Variants in CCDC7 observed in about 807,000 individuals in gnomAD.
CCDC7 encodes coiled-coil domain-containing protein 7.
CCDC7 carries 183 observed loss-of-function variants against 196.9 expected under a neutral mutation model. The ratio of observed to expected loss-of-function variants is 0.93; its 90% confidence interval spans 0.82 to 1.05. The LOEUF (loss-of-function observed/expected upper bound fraction) is 1.05. Ranked by LOEUF, CCDC7 falls within the 50% of genes least tolerant of loss-of-function variation. The pLI, the probability that CCDC7 is intolerant of heterozygous loss-of-function variation, is 0.00. For missense variants in CCDC7, 1,540 were observed against 1,482.2 expected (o/e 1.04, Z -0.64); for synonymous variants, 525 against 484.6 (o/e 1.08, Z -1.10).
At chr10:32,687,081 T>C (rs117653181) in intron 22 of CCDC7, among the ~76,000 whole-genome samples, 2 of 152,352 alleles carry the variant, frequency 1.3e-5, no homozygotes, top group East Asian at 3.9e-4. Context: ...TAATTACCTT[T>C]ATGGACAGTC....
At chr10:32,572,928 A>G (rs1432246624) in intron 16 of CCDC7, among the ~76,000 whole-genome samples, 1 of 118,292 alleles carries the variant, frequency 8.5e-6, no homozygotes, top group East Asian at 2.9e-4. Context: ...CCCAGGCTGG[A>G]GGGCAGTGGC....
chr10:32,748,473 G>A (rs1422102645), intron 28 of CCDC7, among the ~76,000 whole-genome samples: 1 of 152,138 alleles, frequency 6.6e-6, no homozygotes, highest in African/African-American at 2.4e-5. Flanking sequence ...TAGTTGTAAT[G>A]CTTGCTCTGT....
chr10:32,558,898 G>C (rs978369632), intron 13 of CCDC7, among the ~76,000 whole-genome samples: 1 of 152,244 alleles, frequency 6.6e-6, no homozygotes, highest in East Asian at 1.9e-4. Flanking sequence ...AGGGGTCAGG[G>C]AGTTCCCTTT....
At chr10:32,550,537 T>C (rs935663213) in intron 13 of CCDC7, among the ~76,000 whole-genome samples, 8 of 152,144 alleles carry the variant, frequency 5.3e-5, no homozygotes, top group African/African-American at 1.4e-4. Context: ...TATGTTGGCA[T>C]TGGGTTGTCA....
At chr10:32,855,069 C>G (rs1367776875) in intron 41 of CCDC7, among the ~76,000 whole-genome samples, 1 of 152,124 alleles carries the variant, frequency 6.6e-6, no homozygotes, top group East Asian at 1.9e-4. Context: ...TAAGCCAGAA[C>G]TAGACTTTTC....
At chr10:32,643,458 A>G (rs1375282483) in intron 20 of CCDC7, among the ~76,000 whole-genome samples, 1 of 151,810 alleles carries the variant, frequency 6.6e-6, no homozygotes, top group Non-Finnish European at 1.5e-5. Context: ...ATCCAGTGTG[A>G]CTGTCTTTTT....
intron 9 of CCDC7, among the ~76,000 whole-genome samples, chr10:32,494,961 A>T (rs1196278293): frequency 2.0e-5 from 3 of 152,174 alleles, no homozygotes; most frequent in Non-Finnish European, 2.9e-5. Flanking sequence ...ATTCTTGAGG[A>T]ATCACCACAC....
At chr10:32,617,020 G>A (rs555877152) in intron 18 of CCDC7, among the ~76,000 whole-genome samples, 1 of 151,702 alleles carries the variant, frequency 6.6e-6, no homozygotes, top group African/African-American at 2.4e-5. Flanking sequence ...TCGATATTGG[G>A]TGTTTGTATG....
intron 28 of CCDC7, among the ~76,000 whole-genome samples, chr10:32,770,774 C>T (rs1459764039): frequency 6.6e-6 from 1 of 152,110 alleles, no homozygotes; most frequent in Non-Finnish European, 1.5e-5. Context: ...GTGTTTGGTA[C>T]ATATAAATTT....
At chr10:32,832,785 GTTCTT>G (rs2092308263) in intron 32 of CCDC7, among the ~76,000 whole-genome samples, 2 of 151,842 alleles carry the variant, frequency 1.3e-5, no homozygotes, top group South Asian at 2.1e-4. Context: ...TGCATATTTT[GTTCTT>G]TTCTTCTCTT....
chr10:32,807,648 A>C (rs928760659), intron 30 of CCDC7, among the ~76,000 whole-genome samples: 11 of 151,974 alleles, frequency 7.2e-5, no homozygotes, highest in Non-Finnish European at 4.4e-5. Flanking sequence ...AAAGGGTGAG[A>C]GGTCCCTAGA....
chr10:32,632,281 A>G (rs1230675653), intron 18 of CCDC7, among the ~76,000 whole-genome samples: 1 of 151,048 alleles, frequency 6.6e-6, no homozygotes, highest in African/African-American at 2.4e-5. Context: ...ATTCCCTTTC[A>G]TTTTCAGTTT....
At chr10:32,576,315 A>G (rs979654360) in intron 16 of CCDC7, among the ~76,000 whole-genome samples, 3 of 151,850 alleles carry the variant, frequency 2.0e-5, no homozygotes, top group African/African-American at 4.8e-5. Context: ...AAAAAAAAAA[A>G]AAAGAAAAGG....
chr10:32,500,495 G>A (rs1292303397), intron 9 of CCDC7, among the ~76,000 whole-genome samples: 2 of 149,646 alleles, frequency 1.3e-5, no homozygotes, highest in Non-Finnish European at 3.0e-5. Context: ...GATGGGCGGC[G>A]GGGCAGAGAC....
At position 32,545,901 on chromosome 10, in the gene CCDC7, G is replaced by A. The variant is rs546805947; in HGVS notation, c.1134+1600G>A. ...AGCCTGGGCAACAGAGCAAAACTCC[G>A]TCTCAAAAAAAAAAAAAAAAAAAAA... is the stretch of plus-strand genomic sequence containing the variant. On this transcript the variant is annotated intron_variant, in intron 13 of 41. Coordinates refer to ENST00000639629, the Ensembl canonical transcript of CCDC7. Among the ~76,000 whole-genome samples the A allele has an allele frequency of 1.6e-4, 11 of 67,398 alleles. 1 individual carries two copies. In the South Asian group the frequency reaches 7.1e-3, roughly 43 times the overall value. The allele number at this position is 67,398 out of a possible 152,430, so 44.2% of individuals were successfully genotyped here.
At chr10:32,561,820 T>G (rs1436542034) in intron 13 of CCDC7, among the ~76,000 whole-genome samples, 2 of 151,878 alleles carry the variant, frequency 1.3e-5, no homozygotes, top group African/African-American at 4.8e-5. Context: ...CTGAAGGAAA[T>G]AGAGACACAA....
intron 23 of CCDC7, among the ~76,000 whole-genome samples, chr10:32,691,639 C>T (rs771995894): frequency 2.0e-5 from 3 of 152,228 alleles, no homozygotes; most frequent in South Asian, 2.1e-4. Context: ...TTACTGTCCT[C>T]ACTCCATCAG....
chr10:32,779,814 A>G (rs953058009), intron 29 of CCDC7, among the ~76,000 whole-genome samples: 1 of 152,224 alleles, frequency 6.6e-6, no homozygotes, highest in Non-Finnish European at 1.5e-5. Flanking sequence ...AGAATACCTA[A>G]TTAGGAAAAG....
chr10:32,704,016 G>T (rs529615499), intron 24 of CCDC7, among the ~76,000 whole-genome samples: 1 of 152,052 alleles, frequency 6.6e-6, no homozygotes, highest in Non-Finnish European at 1.5e-5. Flanking sequence ...CTCTCAACTC[G>T]TCAAAGTCAT....
Sources: gnomAD v4.1 joint callset for allele counts (sites outside exome capture counted in the v4.1 genomes callset) on GRCh38, gnomAD v4.1.1 for gene constraint, MANE v1.5 for transcripts, NCBI Gene and HGNC (gene_info 2026-07-23, HGNC 2026-07-21) for gene names.